CARS1: variants seen among roughly 807,000 people sequenced by gnomAD.
CARS1 encodes cysteine--tRNA ligase, cytoplasmic.
In CARS1, 48 loss-of-function variants were observed where a neutral mutation model predicts 106.2. The observed-to-expected ratio is 0.45, with a 90% confidence interval of 0.36 to 0.57. The LOEUF is 0.57. CARS1 is among the 20% of genes least tolerant of loss of function. The pLI is 0.00. For synonymous variants in CARS1, 409 were observed against 403.4 expected (o/e 1.01, Z -0.17); for missense variants, 968 against 1,057.2 (o/e 0.92, Z 1.17).
At chr11:3,016,968 C>G in intron 16 of CARS1, 138 bp downstream of exon 16, 1 of 646,972 alleles carries the variant, frequency 1.5e-6, no homozygotes, top group Non-Finnish European at 2.6e-6. Context: ...AGGACAGAAG[C>G]ATATCTCCAC....
intron 20 of CARS1, 149 bp downstream of exon 20, chr11:3,005,217 C>T (rs1197354929): frequency 3.6e-6 from 2 of 548,764 alleles, no homozygotes; most frequent in Non-Finnish European, 6.4e-6. Context: ...TTAGAAGATA[C>T]TAGTTAATTT....
chr11:3,015,647 A>T, intron 17 of CARS1, 134 bp downstream of exon 17: 1 of 765,360 alleles, frequency 1.3e-6, no homozygotes, highest in Non-Finnish European at 2.3e-6. Context: ...CAGAATTGCC[A>T]TTTAGCTCGA....
chr11:3,026,572 T>C (rs2134181410), intron 10 of CARS1, 104 bp downstream of exon 10: 1 of 1,229,988 alleles, frequency 8.1e-7, no homozygotes, highest in Admixed American at 2.2e-5. Flanking sequence ...TTCCCAAGAG[T>C]CTGAGGGGTG....
chr11:3,016,198 G>C (rs979154420), intron 16 of CARS1, among the ~76,000 whole-genome samples: 1 of 151,706 alleles, frequency 6.6e-6, no homozygotes, highest in African/African-American at 2.4e-5. Flanking sequence ...TCAGAGAGGA[G>C]GCCTTGTCCC....
Position 3,017,416 on chromosome 11 carries a change from G to A in CARS1, c.1728-121C>T, listed in dbSNP as rs1851143035. 1 of 810,254 alleles carries A rather than the reference G, an allele frequency of 1.2e-6. No individual in the cohort carries two copies. The highest frequency in any genetic ancestry group is 1.6e-5 in the South Asian group (1 of 61,560). The allele number at this position is 810,254 out of a possible 1,614,324, so 50.2% of individuals were successfully genotyped here. ...CCAGCACTTTGGGAGGCTGAGGTGG[G>A]CGGATCACCTGAGGTCGGGAGTTCG... On this transcript the variant is annotated intron_variant, in intron 15 of 22. Coordinates refer to ENST00000380525, the MANE Select transcript of CARS1 (RefSeq NM_001014437.3). The surrounding 1 kb of genome is among the most constrained non-coding windows in gnomAD (Gnocchi z 4.9).
intron 7 of CARS1, among the ~76,000 whole-genome samples, chr11:3,031,795 T>C (rs1261517106): frequency 1.3e-5 from 2 of 152,104 alleles, no homozygotes; most frequent in Non-Finnish European, 2.9e-5. Context: ...AGGCTTGGTG[T>C]AGGCAAGTCA....
Position 3,045,358 on chromosome 11 carries a change from A to G in CARS1, c.274+2395T>C, listed in dbSNP as rs1157112579. Among the ~76,000 whole-genome samples the G allele has an allele frequency of 2.6e-5, 4 of 151,968 alleles. No homozygotes were observed. Among genetic ancestry groups the G allele is most frequent in the African/African-American group, 9.7e-5 (4 of 41,368 alleles). The stretch of plus-strand genomic sequence containing the variant: ...CGGCTCACTGCAAGCTCCGCCTCCC[A>G]GGTTCAGGCCATTCTCCTGCCTCAG... On this transcript the variant is annotated intron_variant, in intron 2 of 22. Coordinates refer to ENST00000380525, the MANE Select transcript of CARS1 (RefSeq NM_001014437.3). This position sits in a 1 kb window ranked among gnomAD's most constrained non-coding sequence, Gnocchi z 5.6.
At position 3,039,310 on chromosome 11, in the gene CARS1, A is replaced by C; in HGVS notation, c.553-18T>G. On this transcript the variant is annotated intron_variant, in intron 5 of 22. Transcript: ENST00000380525. This position sits in a 1 kb window ranked among gnomAD's most constrained non-coding sequence, Gnocchi z 5.6. ...TTGATGATCTGGGGAGGGAAGGCAG[A>C]CATTGGGGAGTGATGCTTGGATCCC... 1 of 1,512,298 alleles carries C rather than the reference A, an allele frequency of 6.6e-7. No individual in the cohort carries two copies. Among genetic ancestry groups the C allele is most frequent in the Non-Finnish European group, 9.2e-7 (1 of 1,087,644 alleles). The allele number at this position is 1,512,298 out of a possible 1,614,324, so 93.7% of individuals were successfully genotyped here.
At chr11:3,023,659 T>A (rs1412320830) in intron 10 of CARS1, among the ~76,000 whole-genome samples, 3 of 151,780 alleles carry the variant, frequency 2.0e-5, no homozygotes, top group Admixed American at 6.6e-5. Context: ...CCTCCCAAAG[T>A]GCTGAATTAT....
rs1446491291 is a variant in CARS1, at chr11:3,017,352, T to G, written c.1728-57A>C. 5 of 1,520,714 alleles carry G rather than the reference T, an allele frequency of 3.3e-6. No individual in the cohort carries two copies. Among genetic ancestry groups the G allele is most frequent in the Middle Eastern group, 1.7e-4 (1 of 5,822 alleles). The allele number at this position is 1,520,714 out of a possible 1,614,324, so 94.2% of individuals were successfully genotyped here. A position where few individuals can be genotyped will look rare whatever the true frequency, so the allele number is the denominator to read the frequency against. ...AGACCTGAAAACACACCATAGAAAT[T>G]CCCCATGTGGCCAGGCGCAGTGGCT... On this transcript the variant is annotated intron_variant, in intron 15 of 22. Transcript: ENST00000380525. This position sits in a 1 kb window ranked among gnomAD's most constrained non-coding sequence, Gnocchi z 4.9.
chr11:3,049,316 T>C (rs906707828), intron 1 of CARS1, among the ~76,000 whole-genome samples: 1 of 152,132 alleles, frequency 6.6e-6, no homozygotes, highest in Non-Finnish European at 1.5e-5. Flanking sequence ...TCACCTCTGC[T>C]GAACTGGCAG....
chr11:3,032,149 T>C (rs925544608), intron 7 of CARS1, among the ~76,000 whole-genome samples: 4 of 150,154 alleles, frequency 2.7e-5, no homozygotes, highest in Admixed American at 6.7e-5. Flanking sequence ...CTCAGCTCAC[T>C]GCAACCTCCG....
chr11:3,005,578 A>T, intron 19 of CARS1, 145 bp from the exon 20 acceptor site: 1 of 585,808 alleles, frequency 1.7e-6, no homozygotes, highest in South Asian at 2.4e-5. Flanking sequence ...ACAAACAAAA[A>T]CCTCCATAGC....
In CARS1 at chr11:3,041,335, C is replaced by T. The variant is rs1854419948; in HGVS notation, c.367-351G>A. The T allele has an allele frequency of 3.7e-6, 1 of 273,852 alleles. No homozygotes were observed. The highest frequency in any genetic ancestry group is 2.3e-5 in the African/African-American group (1 of 44,436). The allele number at this position is 273,852 out of a possible 1,614,324, so 17.0% of individuals were successfully genotyped here. On this transcript the variant is annotated intron_variant, in intron 3 of 22. Transcript: ENST00000380525. The surrounding 1 kb of genome is among the most constrained non-coding windows in gnomAD (Gnocchi z 4.9). ...CTGAGTACCTACCATGTGCCAGGCC[C>T]TGAGCTAAATATTCAATATGCAGTA... is the stretch of plus-strand genomic sequence containing the variant.
In CARS1 at chr11:3,044,588, G is replaced by A. The variant is rs1223285973; in HGVS notation, c.275-2332C>T. 2.0e-5 allele frequency among the ~76,000 whole-genome samples: 3 copies of A among 152,102 alleles called. No homozygotes were observed. The highest frequency in any genetic ancestry group is 4.4e-5 in the Non-Finnish European group (3 of 68,018). On this transcript the variant is annotated intron_variant, in intron 2 of 22. Transcript: ENST00000380525. The surrounding 1 kb of genome is among the most constrained non-coding windows in gnomAD (Gnocchi z 4.4). ...ATTTTTGTATCTTTAGTAGGGATGGGGTTTCACCATATTGGCCAGGCTGGT... is the reference window on the plus strand; with the variant it reads ...ATTTTTGTATCTTTAGTAGGGATGGAGTTTCACCATATTGGCCAGGCTGGT...
chr11:3,020,328 G>C lies in CARS1; in HGVS notation c.1158C>G (p.Asp386Glu). Residue 386 changes from aspartate to glutamate, a missense_variant, in exon 11 of 23, where the codon GAC (aspartate) becomes GAG (glutamate). By Grantham distance (45) the Asp-to-Glu change is conservative. Transcript: ENST00000380525. This position sits in a 1 kb window ranked among gnomAD's most constrained non-coding sequence, Gnocchi z 4.6. The stretch of plus-strand genomic sequence containing the variant: ...TCAGGCGGTCTGCAGAGATGCTCAG[G>C]TCACCTGCAAACACGAGGGACGCCA... ...DQKALQEGEG[D>E]LSISADRLSE... The C allele has an allele frequency of 6.2e-7, 1 of 1,609,690 alleles. No individual in the cohort carries two copies. Among genetic ancestry groups the C allele is most frequent in the African/African-American group, 1.3e-5 (1 of 74,968 alleles).
chr11:3,039,202 C>T lies in CARS1; in HGVS notation c.643G>A (p.Ala215Thr), dbSNP rs558009289. 153 of 1,607,870 alleles carry T rather than the reference C, an allele frequency of 9.5e-5. No homozygotes were observed. The highest frequency in any genetic ancestry group is 6.5e-4 in the Admixed American group (39 of 59,942). Residue 215 changes from alanine (A) to threonine (T), a missense_variant, in exon 6 of 23, where the codon GCC (alanine) becomes ACC (threonine). Physicochemically the swap from Ala to Thr is moderately conservative, Grantham distance 58 (BLOSUM62 0). Transcript: ENST00000380525. The surrounding 1 kb of genome is among the most constrained non-coding windows in gnomAD (Gnocchi z 5.6). ...AAQLLEDVQAALKPFSVKLNE... is the reference protein window; with the variant it reads ...AAQLLEDVQATLKPFSVKLNE... ...GACAGCAAGAGGCCCACCTTCAGGGCGGCCTGAACATCCTCCAAGAGCTGT... is the reference window on the plus strand; with the variant it reads ...GACAGCAAGAGGCCCACCTTCAGGGTGGCCTGAACATCCTCCAAGAGCTGT...
Position 3,050,474 on chromosome 11 carries a change from T to C in CARS1, c.26-2473A>G, listed in dbSNP as rs1855551319. On this transcript the variant is annotated intron_variant, in intron 1 of 22. Transcript: ENST00000380525. This position sits in a 1 kb window ranked among gnomAD's most constrained non-coding sequence, Gnocchi z 6.3. The stretch of plus-strand genomic sequence containing the variant: ...GGGGCCTCTAACTCAAAAGAAGCTT[T>C]GGACTTGAGAGCCAGCCCTTGTCAC... Among the ~76,000 whole-genome samples, 1 of 152,182 alleles carries C rather than the reference T, an allele frequency of 6.6e-6. No homozygotes were observed. Among genetic ancestry groups the C allele is most frequent in the African/African-American group, 2.4e-5 (1 of 41,434 alleles).
In CARS1 at chr11:3,043,357, C is replaced by T. The variant is rs1590524644; in HGVS notation, c.275-1101G>A. 6.6e-6 allele frequency among the ~76,000 whole-genome samples: 1 copy of T among 151,958 alleles called. No homozygotes were observed. Among genetic ancestry groups the T allele is most frequent in the African/African-American group, 2.4e-5 (1 of 41,374 alleles). ...GGAGGACGGTACCTGGTGACTTTCC[C>T]GTTGCCCTCAGCCGGCTCCTGCCTG... On this transcript the variant is annotated intron_variant, in intron 2 of 22. Coordinates refer to ENST00000380525, the MANE Select transcript of CARS1 (RefSeq NM_001014437.3). This position sits in a 1 kb window ranked among gnomAD's most constrained non-coding sequence, Gnocchi z 4.0.
Sources: allele counts gnomAD v4.1 joint callset (sites outside exome capture counted in the v4.1 genomes callset), GRCh38; gene constraint gnomAD v4.1.1; non-coding constraint Gnocchi (gnomAD v3.1); transcripts MANE v1.5; gene names NCBI Gene and HGNC (gene_info 2026-07-23, HGNC 2026-07-21).